Variants in POU2F1 observed in about 807,000 individuals in gnomAD.
The protein encoded by POU2F1 is POU class 2 homeobox 1, also known as POU domain, class 2, transcription factor 1.
Under a neutral mutation model 84.9 loss-of-function variants are expected in POU2F1, and 16 were observed. That is an observed-to-expected ratio of 0.19 (90% CI 0.13 to 0.29). The LOEUF (loss-of-function observed/expected upper bound fraction) is 0.29. Among genes scored for constraint, POU2F1 ranks in the 10% least tolerant of loss-of-function variants. The pLI, the probability that POU2F1 is intolerant of heterozygous loss-of-function variation, is 1.00. For synonymous variants in POU2F1, 368 were observed against 368.3 expected (o/e 1.00, Z 0.01); for missense variants, 738 against 942.6 (o/e 0.78, Z 2.84).
intron 1 of POU2F1, among the ~76,000 whole-genome samples, chr1:167,327,813 T>C (rs890034546): frequency 6.6e-6 from 1 of 152,184 alleles, no homozygotes; most frequent in African/African-American, 2.4e-5. Context: ...AAAATTCTAG[T>C]TTTAAATCCT....
At chr1:167,356,535 A>G (rs904192929) in intron 2 of POU2F1, among the ~76,000 whole-genome samples, 17 of 152,142 alleles carry the variant, frequency 1.1e-4, no homozygotes, top group African/African-American at 3.6e-4. Context: ...CAAGTTTCAC[A>G]GCATCAAATG....
At chr1:167,314,499 A>G (rs1655739435) in intron 1 of POU2F1, among the ~76,000 whole-genome samples, 1 of 152,038 alleles carries the variant, frequency 6.6e-6, no homozygotes, top group African/African-American at 2.4e-5. Context: ...GAAACAGTTC[A>G]GGCATGGTGG....
intron 1 of POU2F1, among the ~76,000 whole-genome samples, chr1:167,250,310 G>A (rs1340383978): frequency 6.6e-6 from 1 of 152,118 alleles, no homozygotes; most frequent in Non-Finnish European, 1.5e-5. Flanking sequence ...GATGTTTGGG[G>A]AACATCCATC....
Position 167,389,490 on chromosome 1 carries a change from A to G in POU2F1, c.814-98A>G, listed in dbSNP as rs565856118. On this transcript the variant is annotated intron_variant, in intron 8 of 15. Transcript: ENST00000367866. Reference sequence around the variant, plus strand: ...GTAGTGTTACATGGTCTTCATCGTTATCCATAAATGTGGCTCTTTCCTTCA... The same window carrying G: ...GTAGTGTTACATGGTCTTCATCGTTGTCCATAAATGTGGCTCTTTCCTTCA... 27 of 1,302,118 alleles carry G rather than the reference A, an allele frequency of 2.1e-5. No homozygotes were observed. In the East Asian group the frequency reaches 6.1e-4, roughly 29 times the overall value. 80.7% of individuals were successfully genotyped at this position (1,302,118 alleles called of 1,614,324 possible).
intron 9 of POU2F1, among the ~76,000 whole-genome samples, chr1:167,391,688 G>A (rs548286135): frequency 8.4e-4 from 119 of 142,218 alleles, no homozygotes; most frequent in African/African-American, 2.7e-3. Context: ...TCCCACTTCT[G>A]TCTCCTGAGT....
At chr1:167,296,314 A>G (rs752834622) in intron 1 of POU2F1, among the ~76,000 whole-genome samples, 3 of 152,140 alleles carry the variant, frequency 2.0e-5, no homozygotes, top group Non-Finnish European at 2.9e-5. Flanking sequence ...GAACTTTCTC[A>G]TATTGTAACA....
At chr1:167,412,975 T>G in intron 14 of POU2F1, 51 bp from the exon 15 acceptor site, 9 of 1,468,508 alleles carry the variant, frequency 6.1e-6, no homozygotes, top group Non-Finnish European at 8.5e-6. Flanking sequence ...GTTGTCAAAA[T>G]GAGACCTGCG....
rs114564908 is a variant in POU2F1, at chr1:167,271,813, C to T, written c.61+50855C>T. Among the ~76,000 whole-genome samples, 501 of 152,288 alleles carry T rather than the reference C, an allele frequency of 3.3e-3. 2 individuals carry two copies. Among genetic ancestry groups the T allele is most frequent in the African/African-American group, 0.011 (472 of 41,560 alleles). ...GTAGGAATAGGCAAACAATGGTCCTCAGGTCAAATTCGTGTTTTCTGTTTT... is the reference window on the plus strand; with the variant it reads ...GTAGGAATAGGCAAACAATGGTCCTTAGGTCAAATTCGTGTTTTCTGTTTT... On this transcript the variant is annotated intron_variant, in intron 1 of 15. Coordinates refer to ENST00000367866, the MANE Select transcript of POU2F1 (RefSeq NM_002697.4).
chr1:167,315,579 C>T (rs1283318305), intron 1 of POU2F1, among the ~76,000 whole-genome samples: 2 of 152,072 alleles, frequency 1.3e-5, no homozygotes, highest in Non-Finnish European at 2.9e-5. Context: ...AGTTCAAGAC[C>T]AGCTTGAGCA....
intron 2 of POU2F1, among the ~76,000 whole-genome samples, chr1:167,362,578 C>T (rs182007415): frequency 6.4e-4 from 97 of 152,240 alleles, no homozygotes; most frequent in African/African-American, 2.3e-3. Context: ...GTGGCATGAT[C>T]GTAGCTGGTT....
At chr1:167,363,827 A>G (rs1051881282) in intron 2 of POU2F1, among the ~76,000 whole-genome samples, 4 of 152,200 alleles carry the variant, frequency 2.6e-5, no homozygotes, top group Non-Finnish European at 4.4e-5. Context: ...TTCATGTTCT[A>G]TACCTAATTA....
chr1:167,278,901 T>A (rs1652926976), intron 1 of POU2F1, among the ~76,000 whole-genome samples: 1 of 152,198 alleles, frequency 6.6e-6, no homozygotes, highest in South Asian at 2.1e-4. Flanking sequence ...TGTCTTTGAG[T>A]ATGATTCTTT....
intron 2 of POU2F1, among the ~76,000 whole-genome samples, chr1:167,361,014 T>C (rs1433993646): frequency 1.3e-5 from 2 of 152,172 alleles, no homozygotes; most frequent in African/African-American, 4.8e-5. Flanking sequence ...TGATTTGGTT[T>C]TCAACTTGAA....
intron 2 of POU2F1, among the ~76,000 whole-genome samples, chr1:167,335,644 G>A (rs189534566): frequency 1.6e-3 from 244 of 152,296 alleles, no homozygotes; most frequent in African/African-American, 5.6e-3. Context: ...AGTAGTTGAG[G>A]TGGTCATCTG....
At chr1:167,378,062 A>T (rs1015220599) in intron 7 of POU2F1, among the ~76,000 whole-genome samples, 3 of 152,208 alleles carry the variant, frequency 2.0e-5, no homozygotes, top group Non-Finnish European at 4.4e-5. Context: ...TTTTGGGTAT[A>T]TACCCAATAA....
At position 167,424,270 on chromosome 1, in the gene POU2F1, A is replaced by G. The variant is rs1238778770; in HGVS notation, c.*8460A>G. On this transcript the variant is annotated 3_prime_UTR_variant, in exon 16 of 16. Coordinates refer to ENST00000367866, the MANE Select transcript of POU2F1 (RefSeq NM_002697.4). ...TAAGATTTTGCAATCATATTATAAC[A>G]TTGGCTTTTGACAACATAAATGTTG... 6.6e-6 allele frequency: 1 copy of G among 152,226 alleles called. No homozygotes were observed. Among genetic ancestry groups the G allele is most frequent in the African/African-American group, 2.4e-5 (1 of 41,450 alleles). The allele number at this position is 152,226 out of a possible 1,614,324, so 9.4% of individuals were successfully genotyped here. A position where few individuals can be genotyped will look rare whatever the true frequency, so the allele number is the denominator to read the frequency against.
intron 8 of POU2F1, among the ~76,000 whole-genome samples, chr1:167,386,695 A>G (rs1417894499): frequency 6.6e-6 from 1 of 152,236 alleles, no homozygotes; most frequent in Non-Finnish European, 1.5e-5. Context: ...GCTACTTTGC[A>G]GTAAAAAGAA....
At chr1:167,235,518 A>G (rs1262006527) in intron 1 of POU2F1, among the ~76,000 whole-genome samples, 1 of 152,218 alleles carries the variant, frequency 6.6e-6, no homozygotes, top group Non-Finnish European at 1.5e-5. Context: ...ACATCTTAGT[A>G]GTTACATAAT....
intron 1 of POU2F1, among the ~76,000 whole-genome samples, chr1:167,308,036 A>G (rs988757625): frequency 2.0e-5 from 3 of 150,512 alleles, no homozygotes; most frequent in Admixed American, 2.0e-4. Context: ...TTCTTATTGC[A>G]TCCTTTCAGG....
Sources: gnomAD v4.1 joint callset for allele counts (sites outside exome capture counted in the v4.1 genomes callset) on GRCh38, gnomAD v4.1.1 for gene constraint, MANE v1.5 for transcripts, NCBI Gene and HGNC (gene_info 2026-07-23, HGNC 2026-07-21) for gene names.